TULP4: variants seen among roughly 807,000 people sequenced by gnomAD.
TULP4 encodes tubby-related protein 4.
Under a neutral mutation model 129.0 loss-of-function variants are expected in TULP4, and 16 were observed. That is an observed-to-expected ratio of 0.12 (90% CI 0.08 to 0.19). TULP4 has a LOEUF of 0.19. TULP4 is among the 10% of genes least tolerant of loss of function. TULP4 has a pLI of 1.00. For synonymous variants in TULP4, 998 were observed against 854.0 expected (o/e 1.17, Z -2.94); for missense variants, 1,842 against 2,059.1 (o/e 0.89, Z 2.04).
chr6:158,309,674 C>T (rs1442617764), upstream of TULP4, among the ~76,000 whole-genome samples: 7 of 152,086 alleles, frequency 4.6e-5, no homozygotes, highest in African/African-American at 9.7e-5. Context: ...GGATCACTCG[C>T]GGTTAGGAGC....
At chr6:158,446,319 A>T (rs757545875) in intron 3 of TULP4, among the ~76,000 whole-genome samples, 4 of 151,976 alleles carry the variant, frequency 2.6e-5, no homozygotes, top group Non-Finnish European at 4.4e-5. Flanking sequence ...CATTTTTTCC[A>T]ATCTTAATAG....
At chr6:158,338,957 G>A (rs893476291) in intron 1 of TULP4, among the ~76,000 whole-genome samples, 2 of 152,130 alleles carry the variant, frequency 1.3e-5, no homozygotes, top group African/African-American at 2.4e-5. Context: ...CCTCCTGAGC[G>A]GGCAGGCATT....
At chr6:158,285,469 T>G (rs1778820058) in intron 1 of TULP4, among the ~76,000 whole-genome samples, 2 of 152,200 alleles carry the variant, frequency 1.3e-5, no homozygotes, top group South Asian at 4.1e-4. Flanking sequence ...TTCTGCCCCT[T>G]CAGTCTCTGA....
rs374361236 is a variant in TULP4 at position 158,425,570 on chromosome 6, A to T, written c.382-4166A>T. Among the ~76,000 whole-genome samples the T allele has an allele frequency of 8.9e-4, 132 of 148,246 alleles. 1 individual carries two copies. Among genetic ancestry groups the T allele is most frequent in the African/African-American group, 3.0e-3 (123 of 40,380 alleles). ...GACGCAAGTGTAAAATGACGTAACC[A>T]CTTAGTTTTTTTGTTTCTGTTTTAG... On this transcript the variant is annotated intron_variant, in intron 2 of 13. Transcript: ENST00000367097.
rs368200700 is a variant in TULP4 at position 158,507,219 on chromosome 6, T to A, written c.*525T>A. 3 of 158,826 alleles carry A rather than the reference T, an allele frequency of 1.9e-5. No individual in the cohort carries two copies. In the South Asian group the frequency reaches 5.3e-4, roughly 28 times the overall value. 9.8% of individuals were successfully genotyped at this position (158,826 alleles called of 1,614,324 possible). Reference sequence around the variant, plus strand: ...GTTACTCCCCAAAAGGTGACTTAATTAATAAAGGGCATTTGGGCAGACACA... The same window carrying A: ...GTTACTCCCCAAAAGGTGACTTAATAAATAAAGGGCATTTGGGCAGACACA... On this transcript the variant is annotated 3_prime_UTR_variant, in exon 14 of 14. Transcript: ENST00000367097.
In TULP4 at chr6:158,511,160, T is replaced by C. The variant is rs1340042091; in HGVS notation, c.*4466T>C. 1.3e-5 allele frequency: 2 copies of C among 152,652 alleles called. No individual in the cohort carries two copies. The highest frequency in any genetic ancestry group is 1.3e-4 in the Admixed American group (2 of 15,286). The allele number at this position is 152,652 out of a possible 1,614,324, so 9.5% of individuals were successfully genotyped here. A position where few individuals can be genotyped will look rare whatever the true frequency, so the allele number is the denominator to read the frequency against. On this transcript the variant is annotated 3_prime_UTR_variant, in exon 14 of 14. Transcript: ENST00000367097. ...ACTTTACTTGTACCTATATTTTCTG[T>C]TTACAGTTCTTTTTAAGGGGAGGGG...
intron 1 of TULP4, among the ~76,000 whole-genome samples, chr6:158,285,022 A>G (rs1421909694): frequency 6.6e-6 from 1 of 152,186 alleles, no homozygotes; most frequent in Non-Finnish European, 1.5e-5. Flanking sequence ...TTTCGGGTTC[A>G]ACACTTTTCT....
At chr6:158,472,294 C>T (rs1779704317) in intron 6 of TULP4, among the ~76,000 whole-genome samples, 1 of 152,168 alleles carries the variant, frequency 6.6e-6, no homozygotes, top group African/African-American at 2.4e-5. Context: ...TCAGCCATCA[C>T]ATGAAAGTAA....
chr6:158,261,560 C>T (rs1778352720), intron 1 of TULP4, among the ~76,000 whole-genome samples: 1 of 152,086 alleles, frequency 6.6e-6, no homozygotes, highest in Non-Finnish European at 1.5e-5. Context: ...ACTTAATGAA[C>T]ATAAATGTCA....
At chr6:158,320,052 G>A (rs1337702002) in intron 1 of TULP4, among the ~76,000 whole-genome samples, 2 of 152,112 alleles carry the variant, frequency 1.3e-5, no homozygotes, top group Non-Finnish European at 2.9e-5. Context: ...ATTTGGGGAC[G>A]GAAACAAAAT....
intron 1 of TULP4, among the ~76,000 whole-genome samples, chr6:158,406,772 C>T (rs940664706): frequency 6.6e-6 from 1 of 152,088 alleles, no homozygotes; most frequent in African/African-American, 2.4e-5. Flanking sequence ...TAATTCAGGC[C>T]TGGCTAATAA....
intron 6 of TULP4, among the ~76,000 whole-genome samples, chr6:158,469,274 CTT>C (rs567645398): frequency 4.9e-5 from 7 of 142,990 alleles, no homozygotes; most frequent in South Asian, 4.4e-4. Context: ...GAAAACAGAC[CTT>C]TTTTTTTTTT....
intron 1 of TULP4, among the ~76,000 whole-genome samples, chr6:158,350,240 AGACGG>A (rs1780477968): frequency 7.3e-6 from 1 of 136,618 alleles, no homozygotes; most frequent in African/African-American, 2.6e-5. Flanking sequence ...TTCACTTCCC[AGACGG>A]GGCGGCCGGG....
At chr6:158,374,374 A>G (rs1777139246) in intron 1 of TULP4, among the ~76,000 whole-genome samples, 1 of 151,750 alleles carries the variant, frequency 6.6e-6, no homozygotes, top group South Asian at 2.1e-4. Flanking sequence ...TATGGGTGGT[A>G]TTTTCTGGGC....
chr6:158,287,999 G>C (rs1013443081), intron 1 of TULP4, among the ~76,000 whole-genome samples: 2 of 152,168 alleles, frequency 1.3e-5, no homozygotes, highest in Admixed American at 1.3e-4. Flanking sequence ...ACTGAGGGGA[G>C]GTCATGTGGT....
intron 3 of TULP4, among the ~76,000 whole-genome samples, chr6:158,447,473 G>A (rs1562570001): frequency 6.6e-6 from 1 of 152,130 alleles, no homozygotes; most frequent in East Asian, 1.9e-4. Context: ...AATATTTGAT[G>A]AACAATTTAT....
Position 158,360,383 on chromosome 6 carries a change from G to T in TULP4, c.252+46115G>T, listed in dbSNP as rs1230800732. The stretch of plus-strand genomic sequence containing the variant: ...AGACCCTTAACTCATCTTGTTCTGG[G>T]TTGGCAGCCTCGAGTGCACATGTCA... On this transcript the variant is annotated intron_variant, in intron 1 of 13. Coordinates refer to ENST00000367097, the MANE Select transcript of TULP4 (RefSeq NM_020245.5). 3.3e-5 allele frequency among the ~76,000 whole-genome samples: 5 copies of T among 152,218 alleles called. No individual in the cohort carries two copies. The East Asian group carries it at 9.7e-4, about 29-fold the overall frequency.
chr6:158,351,707 CTTTTTTT>C (rs1160814801), intron 1 of TULP4, among the ~76,000 whole-genome samples: 14 of 50,518 alleles, frequency 2.8e-4, no homozygotes, highest in African/African-American at 4.1e-4. Flanking sequence ...TGTTGTTAAA[CTTTTTTT>C]TTTTTTTTTT....
chr6:158,433,478 G>A (rs142230528), intron 3 of TULP4, among the ~76,000 whole-genome samples: 15 of 152,292 alleles, frequency 9.8e-5, no homozygotes, highest in Non-Finnish European at 1.9e-4. Context: ...ACTTTGGGAG[G>A]CCGAGGCAGG....
Sources: gnomAD v4.1 joint callset for allele counts (sites outside exome capture counted in the v4.1 genomes callset) on GRCh38, gnomAD v4.1.1 for gene constraint, MANE v1.5 for transcripts, NCBI Gene and HGNC (gene_info 2026-07-23, HGNC 2026-07-21) for gene names.